The following ATG7 variants were observed in gnomAD, a reference collection of about 807,000 sequenced individuals.
ATG7 encodes ubiquitin-like modifier-activating enzyme ATG7.
ATG7 carries 70 observed loss-of-function variants against 82.4 expected under a neutral mutation model. The ratio of observed to expected loss-of-function variants is 0.85; its 90% CI spans 0.70 to 1.04. The LOEUF is 1.04. Among genes scored for constraint, ATG7 ranks in the 50% least tolerant of loss-of-function variants. ATG7 has a pLI of 0.00. For synonymous variants in ATG7, 287 were observed against 313.0 expected (o/e 0.92, Z 0.88); for missense variants, 792 against 864.3 (o/e 0.92, Z 1.05).
intron 5 of ATG7, chr3:11,304,486 G>A (rs1947386626): frequency 6.6e-6 from 1 of 152,090 alleles, no homozygotes; most frequent in African/African-American, 2.4e-5. Context: ...AACTGACTGT[G>A]ACTTTCTGGG....
At chr3:11,488,660 A>C (rs945939415) in intron 20 of ATG7, among the ~76,000 whole-genome samples, 1 of 152,228 alleles carries the variant, frequency 6.6e-6, no homozygotes, top group Non-Finnish European at 1.5e-5. Flanking sequence ...CCTCCTCTCA[A>C]GATGTGAATG....
intron 20 of ATG7, among the ~76,000 whole-genome samples, chr3:11,464,731 A>G (rs1272728041): frequency 1.3e-5 from 2 of 152,220 alleles, no homozygotes; most frequent in East Asian, 3.8e-4. Flanking sequence ...CAGAGGGGAC[A>G]GGGCTTTTAC....
chr3:11,376,100 CAT>C (rs1447797896), intron 18 of ATG7, among the ~76,000 whole-genome samples: 2 of 152,162 alleles, frequency 1.3e-5, no homozygotes, highest in Non-Finnish European at 1.5e-5. Context: ...TGAAGCCAGT[CAT>C]GTGTGATTTC....
chr3:11,365,197 T>C (rs1190146419), intron 18 of ATG7, among the ~76,000 whole-genome samples: 1 of 152,192 alleles, frequency 6.6e-6, no homozygotes, highest in African/African-American at 2.4e-5. Context: ...TCAGCAACAG[T>C]GTATATCATA....
intron 16 of ATG7, among the ~76,000 whole-genome samples, chr3:11,361,538 CT>C (rs1278508990): frequency 1.3e-5 from 2 of 152,162 alleles, no homozygotes; most frequent in Non-Finnish European, 2.9e-5. Flanking sequence ...CTGCCTCAGT[CT>C]CCCAAAGTGC....
At chr3:11,464,437 A>G (rs550147489) in intron 20 of ATG7, among the ~76,000 whole-genome samples, 90 of 152,340 alleles carry the variant, frequency 5.9e-4, no homozygotes, top group Admixed American at 2.9e-3. Flanking sequence ...CATTAATGGA[A>G]TGTCCCAGTT....
intron 20 of ATG7, among the ~76,000 whole-genome samples, chr3:11,435,558 T>C (rs921987301): frequency 2.0e-5 from 3 of 152,126 alleles, no homozygotes; most frequent in African/African-American, 7.2e-5. Context: ...AGAATACTCA[T>C]AAAGTGTATG....
intron 19 of ATG7, among the ~76,000 whole-genome samples, chr3:11,408,776 G>A (rs2080606603): frequency 6.6e-6 from 1 of 152,160 alleles, no homozygotes; most frequent in African/African-American, 2.4e-5. Flanking sequence ...CCATGATTCA[G>A]TAGTCTCCCA....
chr3:11,307,973 C>G (rs1948031816), intron 6 of ATG7, among the ~76,000 whole-genome samples: 1 of 152,168 alleles, frequency 6.6e-6, no homozygotes, highest in South Asian at 2.1e-4. Context: ...AAGGGAGTCT[C>G]CAAAGAATTG....
intron 20 of ATG7, among the ~76,000 whole-genome samples, chr3:11,543,850 G>C (rs2071042772): frequency 6.6e-6 from 1 of 152,198 alleles, no homozygotes; most frequent in Non-Finnish European, 1.5e-5. Flanking sequence ...ACGGGAGGGG[G>C]AGGACCCATT....
chr3:11,558,385 C>T, downstream of ATG7: 2 of 1,129,798 alleles, frequency 1.8e-6, no homozygotes, highest in Non-Finnish European at 2.4e-6. Context: ...TGTACGGATA[C>T]CAAGCAAGTA....
intron 20 of ATG7, among the ~76,000 whole-genome samples, chr3:11,548,242 T>C (rs1214393396): frequency 2.0e-5 from 3 of 152,218 alleles, no homozygotes; most frequent in Non-Finnish European, 4.4e-5. Context: ...TCTCACTATG[T>C]TGCCCAGGCT....
chr3:11,558,347 T>A (rs2072627176), downstream of ATG7: 8 of 749,480 alleles, frequency 1.1e-5, no homozygotes, highest in Non-Finnish European at 1.7e-5. Flanking sequence ...CCACGCGTAG[T>A]TCCTGCTATC....
At chr3:11,466,070 C>T (rs1312209466) in intron 20 of ATG7, among the ~76,000 whole-genome samples, 1 of 152,166 alleles carries the variant, frequency 6.6e-6, no homozygotes, top group East Asian at 1.9e-4. Context: ...CGTTTTAGAA[C>T]CTAAAGTCTG....
chr3:11,341,381 A>AAGCCAG (rs1575570765), intron 12 of ATG7, among the ~76,000 whole-genome samples: 3 of 150,846 alleles, frequency 2.0e-5, no homozygotes, highest in East Asian at 3.9e-4. Context: ...ACCTTGAAGG[A>AAGCCAG]TATTAGAAGA....
chr3:11,478,193 G>A (rs2088483468), intron 20 of ATG7, among the ~76,000 whole-genome samples: 1 of 152,064 alleles, frequency 6.6e-6, no homozygotes, highest in African/African-American at 2.4e-5. Context: ...GAAAAACATG[G>A]TGATTATTTT....
chr3:11,402,230 G>A (rs1428069339), intron 19 of ATG7, among the ~76,000 whole-genome samples: 1 of 152,130 alleles, frequency 6.6e-6, no homozygotes, highest in Non-Finnish European at 1.5e-5. Context: ...TCAGAAGTTC[G>A]AAACCAGCCT....
chr3:11,471,745 CTTTTT>C (rs200590021), intron 20 of ATG7, among the ~76,000 whole-genome samples: 11 of 105,710 alleles, frequency 1.0e-4, no homozygotes, highest in African/African-American at 3.8e-4. Context: ...TTTTAGATTT[CTTTTT>C]TTTTTTTTTT....
rs1397463445 is a variant in ATG7 at position 11,426,896 on chromosome 3, A to C, written c.2049A>C (p.Thr683=). 2 of 1,607,544 alleles carry C rather than the reference A, an allele frequency of 1.2e-6. No homozygotes were observed. Among genetic ancestry groups the C allele is most frequent in the Non-Finnish European group, 1.7e-6 (2 of 1,177,780 alleles). ...TCTTAGAAGACTTGACTGGTCTTAC[A>C]TTGCTGCATCAAGAAACCCAAGCTG... ...HSFLEDLTGL[T]LLHQETQAAE... The change falls in exon 20 of 21, where the codon ACA becomes ACC. Residue 683 remains threonine (T), a synonymous_variant. Coordinates refer to ENST00000693202, the MANE Select transcript of ATG7 (RefSeq NM_001349232.2).
Sources: gnomAD v4.1 joint callset for allele counts (sites outside exome capture counted in the v4.1 genomes callset) on GRCh38, gnomAD v4.1.1 for gene constraint, MANE v1.5 for transcripts, NCBI Gene and HGNC (gene_info 2026-07-23, HGNC 2026-07-21) for gene names.